Variants in NGFR observed in about 807,000 individuals in gnomAD.
The protein encoded by NGFR is tumor necrosis factor receptor superfamily member 16.
A neutral mutation model predicts 43.2 loss-of-function variants in NGFR; 30 were observed. The observed-to-expected ratio is 0.69, with a 90% CI of 0.52 to 0.94. The LOEUF is 0.94. NGFR is among the 40% of genes least tolerant of loss of function. The pLI is 0.00. For missense variants in NGFR, 529 were observed against 602.5 expected (o/e 0.88, Z 1.28); for synonymous variants, 246 against 259.6 (o/e 0.95, Z 0.50).
At chr17:49,496,774 G>C (rs895149010) in intron 1 of NGFR, 1 of 152,326 alleles carries the variant, frequency 6.6e-6, no homozygotes, top group Non-Finnish European at 1.5e-5. Context: ...CTAACGAGAC[G>C]GGGGCGCCCG....
intron 2 of NGFR, among the ~76,000 whole-genome samples, chr17:49,502,870 TTCTC>T (rs1407448806): frequency 1.4e-5 from 2 of 144,236 alleles, no homozygotes; most frequent in East Asian, 2.1e-4. Context: ...CTTCCTTCCT[TTCTC>T]TCTCTCTCTT....
intron 1 of NGFR, 63 bp from the exon 2 acceptor site, chr17:49,502,000 A>AGCCCCCCCCCACCCC: frequency 3.8e-6 from 1 of 264,886 alleles, no homozygotes; most frequent in Non-Finnish European, 7.9e-6. Flanking sequence ...CCCCGGAAGA[A>AGCCCCCCCCCACCCC]CCCCCCCCAA....
rs1360051468 is a variant in NGFR, at chr17:49,512,086, G to C, written c.982+34G>C. ...CGGCCCGCTGGGGAGCTGAGGCGGA[G>C]CTGAGGCTGAGGAAACAGAAGCAAT... On this transcript the variant is annotated intron_variant, in intron 5 of 5. Coordinates refer to ENST00000172229, the MANE Select transcript of NGFR (RefSeq NM_002507.4). The surrounding 1 kb of genome is among the most constrained non-coding windows in gnomAD (Gnocchi z 5.2). 6.2e-7 allele frequency: 1 copy of C among 1,600,564 alleles called. No homozygotes were observed. The highest frequency in any genetic ancestry group is 1.9e-4 in the Middle Eastern group (1 of 5,138).
intron 2 of NGFR, 69 bp from the exon 3 acceptor site, chr17:49,506,222 GGAGGGAGA>G: frequency 6.7e-7 from 1 of 1,501,160 alleles, no homozygotes; most frequent in Non-Finnish European, 8.8e-7. Context: ...AGGCAATAGG[GGAGGGAGA>G]GACTCCAGCT....
chr17:49,502,018 C>CCCCCCCCAAAGA, intron 1 of NGFR, 45 bp from the exon 2 acceptor site: 1 of 1,320,362 alleles, frequency 7.6e-7, no homozygotes, highest in Non-Finnish European at 1.0e-6. Context: ...CAACCCACCC[C>CCCCCCCCAAAGA]AGCTTTCTCT....
At chr17:49,500,758 G>A (rs1440561103) in intron 1 of NGFR, among the ~76,000 whole-genome samples, 1 of 152,178 alleles carries the variant, frequency 6.6e-6, no homozygotes. Flanking sequence ...CTCCTCTGTT[G>A]CCTGTGCCTG....
At chr17:49,506,734 A>C in intron 3 of NGFR, 76 bp downstream of exon 3, 1 of 1,347,510 alleles carries the variant, frequency 7.4e-7, no homozygotes, top group Non-Finnish European at 9.9e-7. Flanking sequence ...CGCTCTCTGG[A>C]GGTCGACAAG....
intron 2 of NGFR, 39 bp from the exon 3 acceptor site, chr17:49,506,260 A>G (rs754972492): frequency 1.3e-6 from 2 of 1,513,682 alleles, no homozygotes; most frequent in Non-Finnish European, 1.8e-6. Flanking sequence ...CGGGTGCCCA[A>G]AAGAGCAGAC....
Position 49,511,873 on chromosome 17 carries a change from G to A in NGFR, c.822-19G>A, listed in dbSNP as rs749784352. On this transcript the variant is annotated intron_variant, in intron 4 of 5. Coordinates refer to ENST00000172229, the MANE Select transcript of NGFR (RefSeq NM_002507.4). ...ACAGCCCCTCGCCCCCTGAAACCTG[G>A]CCTGTCCTCTGGCTCCAGGTGGAAC... 20 of 1,587,300 alleles carry A rather than the reference G, an allele frequency of 1.3e-5. No individual in the cohort carries two copies. The highest frequency in any genetic ancestry group is 1.7e-6 in the Non-Finnish European group (2 of 1,165,918).
In NGFR at chr17:49,513,202, G is replaced by A. The variant is rs1403623212; in HGVS notation, c.*193G>A. 3.4e-6 allele frequency: 2 copies of A among 594,008 alleles called. No homozygotes were observed. Among genetic ancestry groups the A allele is most frequent in the African/African-American group, 1.9e-5 (1 of 53,328 alleles). 36.8% of individuals were successfully genotyped at this position (594,008 alleles called of 1,614,324 possible). A position where few individuals can be genotyped will look rare whatever the true frequency, so the allele number is the denominator to read the frequency against. Reference sequence around the variant, plus strand: ...CAGCCCGTGTGGCCCCTTCACTTCTGACCACACTTCCTGTCCAGAGAGAGA... The same window carrying A: ...CAGCCCGTGTGGCCCCTTCACTTCTAACCACACTTCCTGTCCAGAGAGAGA... On this transcript the variant is annotated 3_prime_UTR_variant, in exon 6 of 6. Coordinates refer to ENST00000172229, the MANE Select transcript of NGFR (RefSeq NM_002507.4).
At chr17:49,502,312 C>A in intron 2 of NGFR, 108 bp downstream of exon 2, 1 of 1,248,218 alleles carries the variant, frequency 8.0e-7, no homozygotes, top group Non-Finnish European at 1.1e-6. Flanking sequence ...CCTTATAAGA[C>A]CACCACTGTA....
intron 3 of NGFR, 26 bp from the exon 4 acceptor site, chr17:49,510,386 C>T (rs769900149): frequency 1.2e-6 from 2 of 1,608,786 alleles, no homozygotes; most frequent in African/African-American, 2.7e-5. Context: ...GAAGTGGGTC[C>T]TCACTCCTGT....
intron 3 of NGFR, among the ~76,000 whole-genome samples, chr17:49,507,366 C>T (rs2071206150): frequency 6.6e-6 from 1 of 152,042 alleles, no homozygotes; most frequent in Admixed American, 6.6e-5. Context: ...GAGGGGCATG[C>T]AGGGAACACT....
At chr17:49,511,759 A>C in intron 4 of NGFR, 133 bp from the exon 5 acceptor site, 1 of 1,060,024 alleles carries the variant, frequency 9.4e-7, no homozygotes, top group South Asian at 1.9e-5. Flanking sequence ...GAGGAGCCTT[A>C]GATGGTGGGG....
At chr17:49,500,232 C>T (rs1270982848) in intron 1 of NGFR, among the ~76,000 whole-genome samples, 1 of 152,180 alleles carries the variant, frequency 6.6e-6, no homozygotes, top group African/African-American at 2.4e-5. Context: ...GTGCAGCCAC[C>T]ATGGTGAAAA....
intron 3 of NGFR, among the ~76,000 whole-genome samples, chr17:49,507,406 G>A (rs1446664433): frequency 6.6e-6 from 1 of 152,192 alleles, no homozygotes; most frequent in East Asian, 1.9e-4. Context: ...GAAGAAGGAG[G>A]GGAGGGGCAG....
chr17:49,512,016 G>C lies in NGFR; in HGVS notation c.946G>C (p.Asp316His). 3 of 1,613,852 alleles carry C rather than the reference G, an allele frequency of 1.9e-6. No individual in the cohort carries two copies. The highest frequency in any genetic ancestry group is 2.5e-6 in the Non-Finnish European group (3 of 1,179,926). The change falls in exon 5 of 6, where the codon GAC becomes CAC. Residue 316 changes from aspartate (D) to histidine (H), a missense_variant. Physicochemically the swap from Asp to His is moderately conservative, Grantham distance 81. Transcript: ENST00000172229. This position sits in a 1 kb window ranked among gnomAD's most constrained non-coding sequence, Gnocchi z 5.2. ...GISVDSQSLHDQQPHTQTASG... is the reference protein window; with the variant it reads ...GISVDSQSLHHQQPHTQTASG... ...CTCCGTGGACAGCCAGAGCCTGCAT[G>C]ACCAGCAGCCCCACACGCAGACAGC...
Position 49,506,704 on chromosome 17 carries a change from G to GGGGGGGGGGGGGC in NGFR, c.568+46_568+47insGGGGGGGGGGGGC. Reference sequence around the variant, plus strand: ...GGGGGGAGTGGGGGTGCGGGGGTGGGCTGGGGGCATAAGGAAGGGCGCTCT... The same window carrying GGGGGGGGGGGGGC: ...GGGGGGAGTGGGGGTGCGGGGGTGGGGGGGGGGGGGGGCCTGGGGGCATAAGGAAGGGCGCTCT... On this transcript the variant is annotated intron_variant, in intron 3 of 5. Coordinates refer to ENST00000172229, the MANE Select transcript of NGFR (RefSeq NM_002507.4). 2.7e-6 allele frequency: 2 copies of GGGGGGGGGGGGGC among 737,230 alleles called. 1 individual carries two copies. The highest frequency in any genetic ancestry group is 3.9e-6 in the Non-Finnish European group (2 of 509,482). 45.7% of individuals were successfully genotyped at this position (737,230 alleles called of 1,614,324 possible).
At chr17:49,504,140 G>A (rs1025563850) in intron 2 of NGFR, among the ~76,000 whole-genome samples, 1 of 151,912 alleles carries the variant, frequency 6.6e-6, no homozygotes. Context: ...CCCTTAAAAC[G>A]TTTCCACAAG....
Sources: gnomAD v4.1 joint callset for allele counts (sites outside exome capture counted in the v4.1 genomes callset) on GRCh38, gnomAD v4.1.1 for gene constraint, Gnocchi (gnomAD v3.1) non-coding constraint, MANE v1.5 for transcripts, NCBI Gene and HGNC (gene_info 2026-07-23, HGNC 2026-07-21) for gene names.